The following GALNT13 variants were observed in gnomAD, a reference collection of about 807,000 sequenced individuals.
The protein encoded by GALNT13 is UDP-GalNAc:polypeptide N-acetylgalactosaminyltransferase 13.
Under a neutral mutation model 64.2 loss-of-function variants are expected in GALNT13, and 28 were observed. The ratio of observed to expected loss-of-function variants is 0.44; its 90% CI spans 0.32 to 0.60. The LOEUF is 0.60. Ranked by LOEUF, GALNT13 falls within the 20% of genes least tolerant of loss-of-function variation. GALNT13 has a pLI of 0.05. For missense variants in GALNT13, 577 were observed against 669.8 expected, an observed-to-expected ratio of 0.86 and a Z score of 1.53; for synonymous variants, 214 against 224.6, an observed-to-expected ratio of 0.95 and a Z score of 0.42.
chr2:154,356,821 A>G (rs1024800613), intron 9 of GALNT13, among the ~76,000 whole-genome samples: 1 of 152,060 alleles, frequency 6.6e-6, no homozygotes, highest in African/African-American at 2.4e-5. Context: ...TTTCAAATGT[A>G]CATTAAATAA....
the GALNT13 span, among the ~76,000 whole-genome samples, chr2:153,664,101 G>C: frequency 2.0e-5 from 3 of 152,124 alleles, no homozygotes; most frequent in African/African-American, 7.2e-5. Flanking sequence ...CAAGAAACAG[G>C]GTTCAAGAGC....
At chr2:154,360,885 A>G (rs557866741) in intron 9 of GALNT13, among the ~76,000 whole-genome samples, 9 of 152,216 alleles carry the variant, frequency 5.9e-5, no homozygotes, top group Middle Eastern at 3.4e-3. Context: ...GGGTTGAGGC[A>G]TTTGACTTGG....
At chr2:154,187,596 G>T (rs568079499) in intron 4 of GALNT13, among the ~76,000 whole-genome samples, 55 of 152,066 alleles carry the variant, frequency 3.6e-4, no homozygotes, top group Middle Eastern at 3.4e-3. Flanking sequence ...TTAAGTCATT[G>T]TTTTATTACT....
intron 3 of GALNT13, among the ~76,000 whole-genome samples, chr2:154,066,200 A>G (rs1033204406): frequency 1.3e-5 from 2 of 152,186 alleles, no homozygotes; most frequent in Non-Finnish European, 2.9e-5. Flanking sequence ...AAAGAAGAAT[A>G]GAAAAGATTG....
intron 7 of GALNT13, among the ~76,000 whole-genome samples, chr2:154,251,240 A>G (rs1367682120): frequency 1.3e-5 from 2 of 152,070 alleles, no homozygotes; most frequent in East Asian, 1.9e-4. Flanking sequence ...AGCTGGCCCC[A>G]TTGTTTATTT....
chr2:153,973,402 A>C (rs900377507), intron 3 of GALNT13, among the ~76,000 whole-genome samples: 1 of 152,010 alleles, frequency 6.6e-6, no homozygotes, highest in Non-Finnish European at 1.5e-5. Context: ...ATCCTTTAAT[A>C]CACTATTTTT....
chr2:154,355,656 G>A (rs2105269736), intron 9 of GALNT13, among the ~76,000 whole-genome samples: 1 of 152,112 alleles, frequency 6.6e-6, no homozygotes, highest in South Asian at 2.1e-4. Flanking sequence ...TAACCCCAGA[G>A]TTTATTTATA....
At chr2:153,161,657 G>A in the GALNT13 span, among the ~76,000 whole-genome samples, 1 of 152,018 alleles carries the variant, frequency 6.6e-6, no homozygotes, top group African/African-American at 2.4e-5. Flanking sequence ...TGCGTCTGGT[G>A]TGAGAGAAAA....
At chr2:153,977,211 A>C (rs976780318) in intron 3 of GALNT13, among the ~76,000 whole-genome samples, 1 of 152,152 alleles carries the variant, frequency 6.6e-6, no homozygotes, top group African/African-American at 2.4e-5. Context: ...TCAAAGCATA[A>C]ATGATTCTTT....
chr2:153,209,324 T>G, the GALNT13 span, among the ~76,000 whole-genome samples: 1 of 152,094 alleles, frequency 6.6e-6, no homozygotes, highest in South Asian at 2.1e-4. Flanking sequence ...GTTCTGACAT[T>G]TTGATTTTTA....
At chr2:154,113,891 A>G (rs1319174683) in intron 3 of GALNT13, among the ~76,000 whole-genome samples, 1 of 152,222 alleles carries the variant, frequency 6.6e-6, no homozygotes, top group Non-Finnish European at 1.5e-5. Context: ...AGAAGAATGC[A>G]TTTGCCAAAT....
the GALNT13 span, among the ~76,000 whole-genome samples, chr2:153,703,977 C>G: frequency 6.6e-6 from 1 of 152,112 alleles, no homozygotes; most frequent in Non-Finnish European, 1.5e-5. Flanking sequence ...ATAACATTAA[C>G]TTACTCCTCA....
intron 3 of GALNT13, among the ~76,000 whole-genome samples, chr2:154,122,280 TA>T (rs761484188): frequency 3.9e-5 from 6 of 151,976 alleles, no homozygotes; most frequent in African/African-American, 7.2e-5. Context: ...TAATCTAGGA[TA>T]AAAAATAGCT....
chr2:153,262,512 C>A, the GALNT13 span, among the ~76,000 whole-genome samples: 1 of 152,132 alleles, frequency 6.6e-6, no homozygotes, highest in Admixed American at 6.6e-5. Context: ...AAACTTTAGG[C>A]CAGTATCCGT....
chr2:154,140,311 T>C (rs1051899064), intron 3 of GALNT13, 26 bp from the exon 4 acceptor site: 1 of 1,577,730 alleles, frequency 6.3e-7, no homozygotes, highest in African/African-American at 1.4e-5. Context: ...TTTGTATGTA[T>C]GTCTGTATCT....
At chr2:153,166,524 G>A in the GALNT13 span, among the ~76,000 whole-genome samples, 2 of 152,122 alleles carry the variant, frequency 1.3e-5, no homozygotes, top group African/African-American at 4.8e-5. Context: ...TTACATGTGA[G>A]GCACTCCTGG....
intron 10 of GALNT13, among the ~76,000 whole-genome samples, chr2:154,399,342 A>T (rs1699195892): frequency 6.6e-6 from 1 of 152,182 alleles, no homozygotes; most frequent in Admixed American, 6.6e-5. Flanking sequence ...ATTTATAAAT[A>T]ATATAAATTT....
At chr2:153,693,874 G>A in the GALNT13 span, among the ~76,000 whole-genome samples, 1 of 152,050 alleles carries the variant, frequency 6.6e-6, no homozygotes, top group Admixed American at 6.6e-5. Flanking sequence ...CAGCACTTTG[G>A]GAGGCCGAGG....
At chr2:153,725,424 T>A in the GALNT13 span, among the ~76,000 whole-genome samples, 1 of 150,546 alleles carries the variant, frequency 6.6e-6, no homozygotes, top group African/African-American at 2.4e-5. Context: ...ACCTGCACAA[T>A]GTGCACATGT....
Sources: allele counts gnomAD v4.1 joint callset (sites outside exome capture counted in the v4.1 genomes callset), GRCh38; gene constraint gnomAD v4.1.1; transcripts MANE v1.5; gene names NCBI Gene and HGNC (gene_info 2026-07-23, HGNC 2026-07-21).